Variants in EBF1 observed in about 807,000 individuals in gnomAD.
EBF1 encodes the protein transcription factor COE1.
In EBF1, 10 loss-of-function variants were observed where a neutral mutation model predicts 68.4. The observed-to-expected ratio is 0.15, with a 90% CI of 0.09 to 0.25. EBF1 has a LOEUF of 0.25. Ranked by LOEUF, EBF1 falls within the 10% of genes least tolerant of loss-of-function variation. The pLI is 1.00. For missense variants in EBF1, 509 were observed against 794.4 expected (o/e 0.64, Z 4.32); for synonymous variants, 298 against 299.8 (o/e 0.99, Z 0.06).
At chr5:159,077,681 T>C (rs1779015868) in intron 5 of EBF1, among the ~76,000 whole-genome samples, 1 of 149,794 alleles carries the variant, frequency 6.7e-6, no homozygotes, top group Non-Finnish European at 1.5e-5. Flanking sequence ...CTATAGAGAG[T>C]GGAACAGGCA....
At chr5:159,096,285 G>C (rs1212716008) in intron 3 of EBF1, 58 bp downstream of exon 3, 2 of 1,550,490 alleles carry the variant, frequency 1.3e-6, no homozygotes, top group East Asian at 4.6e-5. Flanking sequence ...AGCTCCCTGC[G>C]CCCCCTGCCC....
chr5:159,038,249 A>G (rs13168341), intron 6 of EBF1, among the ~76,000 whole-genome samples: 26,988 of 152,134 alleles, frequency 0.18, 2,484 homozygotes, highest in Non-Finnish European at 0.21. Context: ...GCAAAAAGAT[A>G]AAACACCATG....
intron 6 of EBF1, among the ~76,000 whole-genome samples, chr5:158,846,473 G>A (rs1423966729): frequency 2.6e-5 from 4 of 152,084 alleles, no homozygotes; most frequent in Admixed American, 2.6e-4. Context: ...TCCCTACCCA[G>A]CCCACCTGAG....
At chr5:158,730,495 A>C (rs1181498542) in intron 11 of EBF1, among the ~76,000 whole-genome samples, 1 of 152,038 alleles carries the variant, frequency 6.6e-6, no homozygotes, top group Non-Finnish European at 1.5e-5. Context: ...TTTTTGTTTA[A>C]TTTCTCTCAT....
intron 6 of EBF1, among the ~76,000 whole-genome samples, chr5:159,022,288 C>T (rs548752943): frequency 6.6e-6 from 1 of 152,204 alleles, no homozygotes. Context: ...AGGAAATGTG[C>T]TCGGGGAGGC....
chr5:159,073,393 T>C lies in EBF1; in HGVS notation c.554+3A>G, dbSNP rs1317312732. The C allele has an allele frequency of 1.9e-6, 3 of 1,613,996 alleles. No homozygotes were observed. The highest frequency in any genetic ancestry group is 2.7e-5 in the African/African-American group (2 of 75,052). ...AATCCAGTGAAAGAAGAGTGGTCCC[T>C]ACCTGTCAATTATCACTGGATCTGA... On this transcript the variant is annotated splice_donor_region_variant and intron_variant, in intron 6 of 15. Coordinates refer to ENST00000313708, the MANE Select transcript of EBF1 (RefSeq NM_024007.5).
At chr5:159,065,834 G>A (rs1311860149) in intron 6 of EBF1, among the ~76,000 whole-genome samples, 4 of 152,116 alleles carry the variant, frequency 2.6e-5, no homozygotes, top group Non-Finnish European at 5.9e-5. Context: ...AAAAGAACAA[G>A]TGAGTGTACA....
At chr5:158,798,470 A>G (rs1403857288) in intron 8 of EBF1, among the ~76,000 whole-genome samples, 3 of 152,166 alleles carry the variant, frequency 2.0e-5, no homozygotes, top group East Asian at 1.9e-4. Context: ...AGGCTTTCTC[A>G]TCATTGCACA....
At chr5:158,862,853 T>C (rs931098987) in intron 6 of EBF1, among the ~76,000 whole-genome samples, 2 of 152,220 alleles carry the variant, frequency 1.3e-5, no homozygotes, top group Non-Finnish European at 2.9e-5. Context: ...CTGGAAATTG[T>C]TCAACAAGAA....
intron 10 of EBF1, among the ~76,000 whole-genome samples, chr5:158,732,719 C>T (rs1242598049): frequency 6.6e-6 from 1 of 152,066 alleles, no homozygotes; most frequent in East Asian, 1.9e-4. Flanking sequence ...ACTTTTTCTT[C>T]ACTTGTATAT....
At chr5:158,865,038 T>C (rs765772594) in intron 6 of EBF1, among the ~76,000 whole-genome samples, 1 of 152,188 alleles carries the variant, frequency 6.6e-6, no homozygotes, top group African/African-American at 2.4e-5. Context: ...CGGGTTCAGA[T>C]AGCAGCATTA....
At chr5:159,002,065 A>G (rs952760355) in intron 6 of EBF1, among the ~76,000 whole-genome samples, 1 of 152,098 alleles carries the variant, frequency 6.6e-6, no homozygotes, top group African/African-American at 2.4e-5. Flanking sequence ...GTTGTTGTAC[A>G]TAATCTCTGA....
At chr5:158,787,363 C>T (rs1378041588) in intron 9 of EBF1, among the ~76,000 whole-genome samples, 1 of 152,206 alleles carries the variant, frequency 6.6e-6, no homozygotes, top group Non-Finnish European at 1.5e-5. Flanking sequence ...CCTGCCTCCA[C>T]ACATGATCTT....
At chr5:158,852,698 T>C (rs1185012617) in intron 6 of EBF1, among the ~76,000 whole-genome samples, 1 of 152,188 alleles carries the variant, frequency 6.6e-6, no homozygotes, top group Non-Finnish European at 1.5e-5. Flanking sequence ...GAAATCATAA[T>C]GCAAAATAGA....
At chr5:158,834,899 A>T (rs924306102) in intron 7 of EBF1, among the ~76,000 whole-genome samples, 2 of 152,254 alleles carry the variant, frequency 1.3e-5, no homozygotes, top group Non-Finnish European at 2.9e-5. Context: ...CCTGCTTAGT[A>T]GGCAAGAGAG....
intron 10 of EBF1, among the ~76,000 whole-genome samples, chr5:158,746,741 A>G (rs1199612047): frequency 6.6e-6 from 1 of 152,216 alleles, no homozygotes; most frequent in Non-Finnish European, 1.5e-5. Context: ...ATACATATTT[A>G]GCTCCATCTG....
At chr5:158,729,695 G>A (rs1285899923) in intron 11 of EBF1, among the ~76,000 whole-genome samples, 1 of 152,126 alleles carries the variant, frequency 6.6e-6, no homozygotes, top group Non-Finnish European at 1.5e-5. Flanking sequence ...AAATTGGGGT[G>A]GAAAAGGAAA....
intron 6 of EBF1, among the ~76,000 whole-genome samples, chr5:159,020,840 G>T (rs966600806): frequency 6.6e-6 from 1 of 152,010 alleles, no homozygotes; most frequent in Non-Finnish European, 1.5e-5. Context: ...AAACTATGGG[G>T]ATAAGTAATA....
At chr5:158,981,051 G>T (rs913093444) in intron 6 of EBF1, among the ~76,000 whole-genome samples, 4 of 152,132 alleles carry the variant, frequency 2.6e-5, no homozygotes, top group African/African-American at 9.6e-5. Flanking sequence ...GGGGATAAGA[G>T]GAACCAGCAA....
Sources: allele counts gnomAD v4.1 joint callset (sites outside exome capture counted in the v4.1 genomes callset), GRCh38; gene constraint gnomAD v4.1.1; transcripts MANE v1.5; gene names NCBI Gene and HGNC (gene_info 2026-07-23, HGNC 2026-07-21).